HACD4: variants seen among roughly 807,000 people sequenced by gnomAD.
HACD4 encodes the protein very-long-chain (3R)-3-hydroxyacyl-CoA dehydratase 4.
In HACD4, 35 loss-of-function variants were observed where a neutral mutation model predicts 33.3. The observed-to-expected ratio is 1.05, with a 90% CI of 0.80 to 1.39. The LOEUF (loss-of-function observed/expected upper bound fraction) is 1.39. HACD4 is among the 40% of genes most tolerant of loss of function. HACD4 has a pLI of 0.00. For synonymous variants in HACD4, 118 were observed against 98.0 expected (o/e 1.20, Z -1.21); for missense variants, 323 against 276.5 (o/e 1.17, Z -1.19).
chr9:21,021,371 C>T (rs1203602331), intron 3 of HACD4, among the ~76,000 whole-genome samples: 1 of 152,152 alleles, frequency 6.6e-6, no homozygotes, highest in Non-Finnish European at 1.5e-5. Flanking sequence ...GTTGGAAGTT[C>T]TGGCCAGGGC....
Position 21,004,650 on chromosome 9 carries a change from C to G in HACD4, c.*2387G>C, listed in dbSNP as rs1163224989. The G allele has an allele frequency of 2.6e-5, 4 of 152,854 alleles. No individual in the cohort carries two copies. Among genetic ancestry groups the G allele is most frequent in the Non-Finnish European group, 4.4e-5 (3 of 68,618 alleles). The allele number at this position is 152,854 out of a possible 1,614,324, so 9.5% of individuals were successfully genotyped here. ...GTCTAGCACCTTTATCTTGGACTTC[C>G]CTGCCTCCAGAACTGTGAGAAATAT... On this transcript the variant is annotated 3_prime_UTR_variant, in exon 7 of 7. Coordinates refer to ENST00000495827, the MANE Select transcript of HACD4 (RefSeq NM_001010915.5). This position sits in a 1 kb window ranked among gnomAD's most constrained non-coding sequence, Gnocchi z 4.6.
In HACD4 at chr9:21,006,854, A is replaced by G. The variant is rs1842282429; in HGVS notation, c.*183T>C. On this transcript the variant is annotated 3_prime_UTR_variant, in exon 7 of 7. Coordinates refer to ENST00000495827, the MANE Select transcript of HACD4 (RefSeq NM_001010915.5). This position sits in a 1 kb window ranked among gnomAD's most constrained non-coding sequence, Gnocchi z 4.6. ...GGGTATGGAGAATATATATGTCTTA[A>G]AAATACAATGTGTGAAAAACATAGC... The G allele has an allele frequency of 1.7e-6, 1 of 602,584 alleles. No homozygotes were observed. Among genetic ancestry groups the G allele is most frequent in the African/African-American group, 1.9e-5 (1 of 53,376 alleles). 37.3% of individuals were successfully genotyped at this position (602,584 alleles called of 1,614,324 possible).
chr9:21,026,362 T>C (rs556672617), intron 3 of HACD4, among the ~76,000 whole-genome samples: 9 of 152,224 alleles, frequency 5.9e-5, no homozygotes, highest in Admixed American at 5.9e-4. Context: ...CCTTCCAGGA[T>C]AGGACCAATG....
intron 3 of HACD4, among the ~76,000 whole-genome samples, chr9:21,020,506 G>C (rs1295605367): frequency 2.6e-5 from 4 of 152,122 alleles, no homozygotes; most frequent in Non-Finnish European, 5.9e-5. Flanking sequence ...TTTCAGGCTT[G>C]ATAGTGTTTC....
At position 21,015,902 on chromosome 9, in the gene HACD4, C is replaced by G; in HGVS notation, c.379G>C (p.Val127Leu). The G allele has an allele frequency of 1.2e-6, 2 of 1,604,036 alleles. No homozygotes were observed. Among genetic ancestry groups the G allele is most frequent in the Non-Finnish European group, 8.5e-7 (1 of 1,171,290 alleles). ...GAGATTATTTTGCCTTCTTACCTAA[C>G]CATATCCAATAGATTCCAAAAGACG... ...LFVFWNLLDM[V>L]RYTYSMLSVI... The change falls in exon 4 of 7, where the codon GTT (valine) becomes CTT (leucine). Residue 127 changes from valine to leucine, a missense_variant. Val to Leu is a conservative substitution (Grantham distance 32). Transcript: ENST00000495827.
At chr9:21,031,303 G>T (rs1490986364) in intron 1 of HACD4, 1 of 274,998 alleles carries the variant, frequency 3.6e-6, no homozygotes, top group Non-Finnish European at 5.5e-6. Context: ...AAGGGCAGGG[G>T]TAGCCATGCA....
chr9:21,009,571 G>A (rs923024110), intron 5 of HACD4, among the ~76,000 whole-genome samples: 1 of 152,044 alleles, frequency 6.6e-6, no homozygotes, highest in African/African-American at 2.4e-5. Flanking sequence ...AATCATAATT[G>A]TATACATATA....
intron 5 of HACD4, among the ~76,000 whole-genome samples, chr9:21,009,496 A>G (rs1842358280): frequency 6.6e-6 from 1 of 152,180 alleles, no homozygotes; most frequent in Non-Finnish European, 1.5e-5. Context: ...CTAGGAAGGG[A>G]TTAGTCATAT....
intron 1 of HACD4, among the ~76,000 whole-genome samples, chr9:21,029,613 A>T (rs1818155105): frequency 6.6e-6 from 1 of 152,220 alleles, no homozygotes; most frequent in African/African-American, 2.4e-5. Context: ...TTCTTCACTT[A>T]TGATGAAGTT....
chr9:21,021,442 T>C (rs200206472), intron 3 of HACD4, among the ~76,000 whole-genome samples: 1 of 152,108 alleles, frequency 6.6e-6, no homozygotes, highest in Non-Finnish European at 1.5e-5. Flanking sequence ...TCAAATTGTC[T>C]CTGTCTGCAG....
Position 21,026,581 on chromosome 9 carries a change from G to T in HACD4, c.270+15C>A. 2 of 1,594,116 alleles carry T rather than the reference G, an allele frequency of 1.3e-6. No individual in the cohort carries two copies. Among genetic ancestry groups the T allele is most frequent in the Non-Finnish European group, 1.7e-6 (2 of 1,168,118 alleles). ...AATGAAACAGATTCTATAATAATATGTGATTCAAACCTACCTGCAAAAACC... is the reference window on the plus strand; with the variant it reads ...AATGAAACAGATTCTATAATAATATTTGATTCAAACCTACCTGCAAAAACC... On this transcript the variant is annotated intron_variant, in intron 3 of 6. Transcript: ENST00000495827.
intron 2 of HACD4, among the ~76,000 whole-genome samples, chr9:21,028,101 C>A (rs1363676182): frequency 1.4e-5 from 2 of 140,624 alleles, no homozygotes; most frequent in East Asian, 2.1e-4. Flanking sequence ...TACCATTGCA[C>A]TCCAGCCTGG....
intron 2 of HACD4, among the ~76,000 whole-genome samples, chr9:21,028,529 T>C (rs1047773837): frequency 3.2e-4 from 49 of 152,340 alleles, no homozygotes; most frequent in African/African-American, 1.2e-3. Context: ...AACTTCCTTA[T>C]GATACACACG....
At chr9:21,023,833 C>A (rs946215326) in intron 3 of HACD4, among the ~76,000 whole-genome samples, 9 of 152,212 alleles carry the variant, frequency 5.9e-5, no homozygotes, top group Non-Finnish European at 8.8e-5. Flanking sequence ...CCTCAGCCTC[C>A]CAAAGTGCTG....
intron 1 of HACD4, among the ~76,000 whole-genome samples, chr9:21,031,019 C>G (rs961036638): frequency 8.5e-5 from 13 of 152,122 alleles, no homozygotes; most frequent in African/African-American, 3.1e-4. Flanking sequence ...GGGACATCCT[C>G]CCCTATAAAG....
intron 5 of HACD4, among the ~76,000 whole-genome samples, chr9:21,010,456 ACC>A (rs57375934): frequency 0.7 from 74,208 of 105,298 alleles, 26,971 homozygotes; most frequent in Admixed American, 0.8. Context: ...ACATCCTGGT[ACC>A]CCCCCCCCCC....
intron 1 of HACD4, 74 bp from the exon 2 acceptor site, chr9:21,029,472 A>ACCTG: frequency 1.1e-6 from 1 of 896,662 alleles, no homozygotes; most frequent in Non-Finnish European, 1.7e-6. Context: ...ATGCCCTTTA[A>ACCTG]TGTACTGGCC....
intron 4 of HACD4, among the ~76,000 whole-genome samples, chr9:21,012,461 T>C (rs532502634): frequency 3.3e-5 from 5 of 152,288 alleles, no homozygotes; most frequent in Non-Finnish European, 7.4e-5. Flanking sequence ...TAAATACATA[T>C]GGCAAAACTA....
chr9:21,013,226 A>C (rs1432518351), intron 4 of HACD4, among the ~76,000 whole-genome samples: 1 of 151,992 alleles, frequency 6.6e-6, no homozygotes, highest in Non-Finnish European at 1.5e-5. Context: ...GTGAGTGGTT[A>C]ACTTCATTTT....
Sources: allele counts gnomAD v4.1 joint callset (sites outside exome capture counted in the v4.1 genomes callset), GRCh38; gene constraint gnomAD v4.1.1; non-coding constraint Gnocchi (gnomAD v3.1); transcripts MANE v1.5; gene names NCBI Gene and HGNC (gene_info 2026-07-23, HGNC 2026-07-21).